Variants in SEMA6C observed in about 807,000 individuals in gnomAD.
SEMA6C encodes the protein semaphorin-6C.
A neutral mutation model predicts 72.9 loss-of-function variants in SEMA6C; 37 were observed. That is an observed-to-expected ratio of 0.51 (90% CI 0.39 to 0.67). The LOEUF is 0.67. Among genes scored for constraint, SEMA6C ranks in the 30% least tolerant of loss-of-function variants. SEMA6C has a pLI of 0.00. For synonymous variants in SEMA6C, 578 were observed against 554.1 expected, an observed-to-expected ratio of 1.04 and a Z score of -0.61; for missense variants, 1,189 against 1,263.6, an observed-to-expected ratio of 0.94 and a Z score of 0.89.
chr1:151,142,480 G>A, intron 3 of SEMA6C, 24 bp downstream of exon 3: 1 of 1,612,942 alleles, frequency 6.2e-7, no homozygotes, highest in East Asian at 2.2e-5. Context: ...CAGAGATGGG[G>A]CAAGGTAGGT....
chr1:151,144,626 C>G (rs587609458), intron 1 of SEMA6C, among the ~76,000 whole-genome samples, 192 bp from the exon 2 acceptor site: 2 of 152,222 alleles, frequency 1.3e-5, no homozygotes, highest in East Asian at 3.9e-4. Context: ...GCTTTATGCC[C>G]AGAGATGCAG....
In SEMA6C at chr1:151,134,649, T is replaced by C; in HGVS notation, c.1685A>G (p.Gln562Arg). 6.2e-7 allele frequency: 1 copy of C among 1,614,176 alleles called. No homozygotes were observed. Among genetic ancestry groups the C allele is most frequent in the Non-Finnish European group, 8.5e-7 (1 of 1,180,024 alleles). ...GGTDVDQAGN[Q>R]ESMEHGDCQD... is the part of the protein sequence containing the mutation. ...GCAGTCACCATGCTCCATGGATTCC[T>C]GGTTCCCAGCCTGATCCACATCAGT... The change falls in exon 17 of 19, where the codon CAG becomes CGG. Residue 562 changes from glutamine to arginine, a missense_variant. Physicochemically the swap from Gln to Arg is conservative, Grantham distance 43. This residue lies in a region of SEMA6C where 721 missense variants were observed against 686.2 expected (regional missense o/e 1.05). Coordinates refer to ENST00000368914, the MANE Select transcript of SEMA6C (RefSeq NM_030913.6).
At position 151,145,520 on chromosome 1, in the gene SEMA6C, A is replaced by C. The variant is rs1363308145; in HGVS notation, c.-105+913T>G. ...CAACCAGGACAATCCAGGTGTCTAA[A>C]GCCTCGAAAAGAGGTGGGCCTAGGG... On this transcript the variant is annotated intron_variant, in intron 1 of 18. Transcript: ENST00000368914. This position sits in a 1 kb window ranked among gnomAD's most constrained non-coding sequence, Gnocchi z 4.4. 6.6e-6 allele frequency: 1 copy of C among 152,380 alleles called. No homozygotes were observed. The highest frequency in any genetic ancestry group is 2.4e-5 in the African/African-American group (1 of 41,452). 9.4% of individuals were successfully genotyped at this position (152,380 alleles called of 1,614,324 possible). A position where few individuals can be genotyped will look rare whatever the true frequency, so the allele number is the denominator to read the frequency against.
Position 151,137,784 on chromosome 1 carries a change from T to G in SEMA6C, c.683A>C (p.Gln228Pro). The part of the protein sequence containing the change: ...SKWLREPHFV[Q>P]ALEHGDHVYF... ...GACATGGTCTCCATGCTCCAAGGCC[T>G]GGACAAAGTGTGGCTCTAAGATGGG... is the stretch of plus-strand genomic sequence containing the variant. Residue 228 changes from glutamine (Q) to proline (P), a missense_variant, in exon 10 of 19, where the codon CAG becomes CCG. By Grantham distance (76) the Gln-to-Pro change is moderately conservative. This residue lies in a region of SEMA6C where 468 missense variants were observed against 577.4 expected (regional missense o/e 0.81). Transcript: ENST00000368914. The G allele has an allele frequency of 1.2e-6, 2 of 1,613,392 alleles. No homozygotes were observed. The highest frequency in any genetic ancestry group is 1.7e-6 in the Non-Finnish European group (2 of 1,179,496).
At chr1:151,134,726 C>T in intron 16 of SEMA6C, 51 bp from the exon 17 acceptor site, 2 of 1,612,322 alleles carry the variant, frequency 1.2e-6, no homozygotes, top group Non-Finnish European at 1.7e-6. Flanking sequence ...TCCGTATCTC[C>T]CACTCTGGCC....
At chr1:151,135,917 TCCTC>T (rs1681983480) in intron 13 of SEMA6C, 90 bp downstream of exon 13, 1 of 1,561,764 alleles carries the variant, frequency 6.4e-7, no homozygotes, top group African/African-American at 1.4e-5. Flanking sequence ...CACAAGTTCT[TCCTC>T]CCACCAATGC....
rs1681772051 is a variant in SEMA6C, at chr1:151,133,656, C to T, written c.1760-139G>A. Reference sequence around the variant, plus strand: ...CTCAGCCTCACTCCTACAGCCTCCACCATCCTCAGGATTCACCTCTCCTGA... The same window carrying T: ...CTCAGCCTCACTCCTACAGCCTCCATCATCCTCAGGATTCACCTCTCCTGA... On this transcript the variant is annotated intron_variant, in intron 18 of 18. Transcript: ENST00000368914. This position sits in a 1 kb window ranked among gnomAD's most constrained non-coding sequence, Gnocchi z 5.9. The T allele has an allele frequency of 4.4e-6, 6 of 1,365,086 alleles. No individual in the cohort carries two copies. Among genetic ancestry groups the T allele is most frequent in the Middle Eastern group, 2.6e-4 (1 of 3,774 alleles). 84.6% of individuals were successfully genotyped at this position (1,365,086 alleles called of 1,614,324 possible).
intron 10 of SEMA6C, 126 bp from the exon 11 acceptor site, chr1:151,137,200 C>G: frequency 1.4e-6 from 1 of 733,434 alleles, no homozygotes; most frequent in Non-Finnish European, 2.3e-6. Context: ...AATCCCAACA[C>G]TTTGGGAGGC....
At chr1:151,137,425 G>A (rs587614179) in intron 10 of SEMA6C, among the ~76,000 whole-genome samples, 18 of 134,548 alleles carry the variant, frequency 1.3e-4, no homozygotes, top group South Asian at 7.3e-4. Flanking sequence ...CAGCCTGGGC[G>A]ACAGAGCAAG....
At chr1:151,134,550 G>A in intron 17 of SEMA6C, 70 bp downstream of exon 17, 11 of 1,605,476 alleles carry the variant, frequency 6.9e-6, no homozygotes, top group Middle Eastern at 1.7e-4. Flanking sequence ...GGCCAAGCCT[G>A]GGATGGTGTC....
chr1:151,140,177 C>G, intron 3 of SEMA6C, 87 bp from the exon 4 acceptor site: 2 of 1,059,340 alleles, frequency 1.9e-6, no homozygotes, highest in South Asian at 2.7e-5. Flanking sequence ...GCAGTGGACA[C>G]AGTGGATGTG....
At position 151,132,912 on chromosome 1, in the gene SEMA6C, G is replaced by A. The variant is rs1572018243; in HGVS notation, c.2365C>T (p.Pro789Ser). The change falls in exon 19 of 19, where the codon CCT becomes TCT. Residue 789 changes from proline to serine, a missense_variant. Pro to Ser is a moderately conservative substitution (Grantham distance 74). Transcript: ENST00000368914. Reference protein sequence around the residue: ...PPRKGAEPPAPLTSRALPPEP... With the variant: ...PPRKGAEPPASLTSRALPPEP... ...GGCGGGAGCGCCCGCGAGGTTAAAG[G>A]GGCGGGGGGCTCGGCCCCCTTTCTG... 1 of 1,377,810 alleles carries A rather than the reference G, an allele frequency of 7.3e-7. No homozygotes were observed. Among genetic ancestry groups the A allele is most frequent in the Non-Finnish European group, 9.4e-7 (1 of 1,066,014 alleles). 85.3% of individuals were successfully genotyped at this position (1,377,810 alleles called of 1,614,324 possible). A position where few individuals can be genotyped will look rare whatever the true frequency, so the allele number is the denominator to read the frequency against.
Position 151,142,597 on chromosome 1 carries a change from G to A in SEMA6C, c.25C>T (p.Pro9Ser), listed in dbSNP as rs369856526. Residue 9 changes from proline to serine, a missense_variant, in exon 3 of 19, where the codon CCC (proline) becomes TCC (serine). Physicochemically the swap from Pro to Ser is moderately conservative, Grantham distance 74 (BLOSUM62 -1). This residue lies in a region of SEMA6C where 468 missense variants were observed against 577.4 expected (regional missense o/e 0.81). Coordinates refer to ENST00000368914, the MANE Select transcript of SEMA6C (RefSeq NM_030913.6). The stretch of plus-strand genomic sequence containing the variant: ...AGCAGCAGCAGCAGTAGCAGCAAGG[G>A]CATGAAGTGGGGGGCACGGGGCATC... MPRAPHFMPLLLLLLLLSL... is the reference protein window; with the variant it reads MPRAPHFMSLLLLLLLLSL... 2 of 1,598,762 alleles carry A rather than the reference G, an allele frequency of 1.3e-6. No homozygotes were observed. The highest frequency in any genetic ancestry group is 1.7e-6 in the Non-Finnish European group (2 of 1,172,376).
chr1:151,142,273 G>A (rs1448101128), intron 3 of SEMA6C, among the ~76,000 whole-genome samples: 1 of 152,078 alleles, frequency 6.6e-6, no homozygotes, highest in Non-Finnish European at 1.5e-5. Flanking sequence ...CTCCTGGAGA[G>A]CCCATGCTCT....
intron 7 of SEMA6C, 101 bp from the exon 8 acceptor site, chr1:151,138,507 G>T: frequency 7.1e-7 from 1 of 1,415,936 alleles, no homozygotes; most frequent in Non-Finnish European, 9.8e-7. Context: ...CAACCCCTCT[G>T]GACCCTTGCA....
In SEMA6C at chr1:151,133,057, C is replaced by T. The variant is rs762545048; in HGVS notation, c.2220G>A (p.Ala740=). ...EGPGRSRGGH[A]AGGPAPRVLV... ...GCACGCGGGGCGCGGGCCCGCCCGC[C>T]GCGTGCCCGCCCCGTGAGCGGCCCG... Residue 740 remains alanine, a synonymous_variant, in exon 19 of 19, where the codon GCG becomes GCA. Transcript: ENST00000368914. This position sits in a 1 kb window ranked among gnomAD's most constrained non-coding sequence, Gnocchi z 5.9. The T allele has an allele frequency of 2.8e-6, 4 of 1,435,442 alleles. No homozygotes were observed. Among genetic ancestry groups the T allele is most frequent in the Admixed American group, 3.0e-5 (1 of 33,100 alleles). 88.9% of individuals were successfully genotyped at this position (1,435,442 alleles called of 1,614,324 possible).
In SEMA6C at chr1:151,135,932, G is replaced by A. The variant is rs187158437; in HGVS notation, c.1259+79C>T. The A allele has an allele frequency of 1.4e-3, 2,199 of 1,585,528 alleles. 2 individuals are homozygous for A. Among genetic ancestry groups the A allele is most frequent in the African/African-American group, 2.3e-3 (172 of 74,516 alleles). On this transcript the variant is annotated intron_variant, in intron 13 of 18. Transcript: ENST00000368914. ...CACAAGTTCTTCCTCCCACCAATGC[G>A]GTTTACCTTGTTGGGTCAAAGAAAG...
rs587627968 is a variant in SEMA6C at position 151,134,972 on chromosome 1, A to G, written c.1581-97T>C. On this transcript the variant is annotated intron_variant, in intron 15 of 18. Coordinates refer to ENST00000368914, the MANE Select transcript of SEMA6C (RefSeq NM_030913.6). ...CCACCCTGGCTTACAGGAGGCTCCCAGCCTCATTCTCTCCTGTCCACCTCA... is the reference window on the plus strand; with the variant it reads ...CCACCCTGGCTTACAGGAGGCTCCCGGCCTCATTCTCTCCTGTCCACCTCA... The G allele has an allele frequency of 5.1e-6, 7 of 1,371,514 alleles. No individual in the cohort carries two copies. The Admixed American group carries it at 1.2e-4, about 24-fold the overall frequency. The allele number at this position is 1,371,514 out of a possible 1,614,324, so 85.0% of individuals were successfully genotyped here.
At chr1:151,143,191 C>T (rs1682696409) in intron 2 of SEMA6C, among the ~76,000 whole-genome samples, 1 of 152,192 alleles carries the variant, frequency 6.6e-6, no homozygotes, top group South Asian at 2.1e-4. Flanking sequence ...ACTGTCCTTT[C>T]TAGAGTTGAG....
Sources: gnomAD v4.1 joint callset for allele counts (sites outside exome capture counted in the v4.1 genomes callset) on GRCh38, gnomAD v4.1.1 for gene constraint, gnomAD v4.1.1 regional missense constraint, Gnocchi (gnomAD v3.1) non-coding constraint, MANE v1.5 for transcripts, NCBI Gene and HGNC (gene_info 2026-07-23, HGNC 2026-07-21) for gene names.